SEMA4D: variants seen among roughly 807,000 people sequenced by gnomAD.
SEMA4D encodes semaphorin-4D.
A neutral mutation model predicts 74.8 loss-of-function variants in SEMA4D; 22 were observed. The observed-to-expected ratio is 0.29, with a 90% CI of 0.21 to 0.42. SEMA4D has a LOEUF of 0.42. Ranked by LOEUF, SEMA4D falls within the 10% of genes least tolerant of loss-of-function variation. SEMA4D has a pLI of 1.00. For missense variants in SEMA4D, 937 were observed against 1,118.4 expected (o/e 0.84, Z 2.31); for synonymous variants, 445 against 463.7 (o/e 0.96, Z 0.52).
chr9:89,407,234 C>T (rs1346452742), intron 2 of SEMA4D, among the ~76,000 whole-genome samples: 2 of 152,102 alleles, frequency 1.3e-5, no homozygotes, highest in Non-Finnish European at 2.9e-5. Context: ...GCCAAAAAAA[C>T]TGTATGTGGA....
chr9:89,436,801 C>T (rs1001297191), intron 2 of SEMA4D, among the ~76,000 whole-genome samples: 3 of 152,210 alleles, frequency 2.0e-5, no homozygotes, highest in African/African-American at 2.4e-5. Flanking sequence ...AGCAGCAGGT[C>T]GCCTGGCGAG....
At chr9:89,479,734 G>T in intron 1 of SEMA4D, 1 of 150,746 alleles carries the variant, frequency 6.6e-6, no homozygotes, top group Non-Finnish European at 1.4e-5. Flanking sequence ...CGTTCCTCCC[G>T]GTGGGCTCGT....
downstream of SEMA4D, among the ~76,000 whole-genome samples, chr9:89,374,338 T>C (rs987815586): frequency 6.6e-6 from 1 of 152,188 alleles, no homozygotes; most frequent in Admixed American, 6.5e-5. Flanking sequence ...CAGCTTTCTG[T>C]TAGGTCTGGC....
chr9:89,386,222 C>T lies in SEMA4D; in HGVS notation c.1446+145G>A, dbSNP rs959000778. 11 of 1,019,106 alleles carry T rather than the reference C, an allele frequency of 1.1e-5. No homozygotes were observed. The Admixed American group carries it at 1.8e-4, about 17-fold the overall frequency. The allele number at this position is 1,019,106 out of a possible 1,614,324, so 63.1% of individuals were successfully genotyped here. A position where few individuals can be genotyped will look rare whatever the true frequency, so the allele number is the denominator to read the frequency against. ...CACAGCTCACGGAATGGCTCTGTGT[C>T]AAACTCTGAAGGTTGGCTCACCCAG... On this transcript the variant is annotated intron_variant, in intron 13 of 15. Transcript: ENST00000422704.
intron 2 of SEMA4D, among the ~76,000 whole-genome samples, chr9:89,427,448 C>T (rs1848342781): frequency 6.6e-6 from 1 of 152,148 alleles, no homozygotes; most frequent in African/African-American, 2.4e-5. Flanking sequence ...GGGGAGTAAC[C>T]CCTGCCGTCC....
At chr9:89,474,376 A>C (rs1861247259) in intron 1 of SEMA4D, among the ~76,000 whole-genome samples, 1 of 151,244 alleles carries the variant, frequency 6.6e-6, no homozygotes, top group African/African-American at 2.4e-5. Flanking sequence ...CATCACAAAG[A>C]TTACAGTGGA....
At chr9:89,465,569 C>A (rs1313710237) in intron 1 of SEMA4D, among the ~76,000 whole-genome samples, 1 of 152,138 alleles carries the variant, frequency 6.6e-6, no homozygotes, top group Non-Finnish European at 1.5e-5. Flanking sequence ...TGCAAATGTA[C>A]TAACTGCCAT....
chr9:89,402,819 G>C (rs201805200), intron 4 of SEMA4D, 52 bp downstream of exon 4: 93 of 1,579,480 alleles, frequency 5.9e-5, no homozygotes, highest in Non-Finnish European at 8.0e-5. Flanking sequence ...GCCAGGAGAG[G>C]CTGCCCACTC....
chr9:89,448,053 C>A (rs765667689), intron 2 of SEMA4D, among the ~76,000 whole-genome samples: 14 of 152,200 alleles, frequency 9.2e-5, no homozygotes, highest in Non-Finnish European at 2.1e-4. Flanking sequence ...AAGCTCACTG[C>A]AGCCTTGAAT....
At chr9:89,453,623 G>C (rs7030402) in intron 2 of SEMA4D, among the ~76,000 whole-genome samples, 133,430 of 152,206 alleles carry the variant, frequency 0.88, 59,185 homozygotes, top group Non-Finnish European at 0.95. Flanking sequence ...CCATCTGGTC[G>C]CGGCCCTCGC....
At chr9:89,478,661 G>A (rs7859211) in intron 1 of SEMA4D, among the ~76,000 whole-genome samples, 12,548 of 152,138 alleles carry the variant, frequency 0.082, 754 homozygotes, top group Admixed American at 0.16. Context: ...TGTGCGGAAT[G>A]AGATGAAATG....
At chr9:89,412,697 G>C (rs1844795564) in intron 2 of SEMA4D, among the ~76,000 whole-genome samples, 1 of 152,102 alleles carries the variant, frequency 6.6e-6, no homozygotes, top group South Asian at 2.1e-4. Context: ...CATAAATCAG[G>C]CCCTGCTGCT....
chr9:89,390,802 A>G (rs951460750), intron 9 of SEMA4D, among the ~76,000 whole-genome samples: 2 of 152,128 alleles, frequency 1.3e-5, no homozygotes, highest in African/African-American at 4.8e-5. Context: ...TGTGCTGAGC[A>G]CTGTGCCTAC....
chr9:89,419,678 C>T (rs771467633), intron 2 of SEMA4D, among the ~76,000 whole-genome samples: 19 of 152,178 alleles, frequency 1.2e-4, no homozygotes, highest in Middle Eastern at 3.4e-3. Context: ...TTTAGGAGGC[C>T]GAGGCGGGTG....
intron 1 of SEMA4D, among the ~76,000 whole-genome samples, chr9:89,477,085 G>A (rs541810613): frequency 1.1e-4 from 16 of 152,254 alleles, no homozygotes; most frequent in African/African-American, 2.4e-4. Flanking sequence ...TAAGACTTCC[G>A]TAAAATAAGT....
chr9:89,381,187 C>T lies in SEMA4D; in HGVS notation c.1606G>A (p.Glu536Lys), dbSNP rs772215469. 47 of 1,613,376 alleles carry T rather than the reference C, an allele frequency of 2.9e-5. No homozygotes were observed. The highest frequency in any genetic ancestry group is 1.8e-4 in the Admixed American group (11 of 60,000). Residue 536 changes from glutamate to lysine, a missense_variant, in exon 14 of 16, where the codon GAG becomes AAG. Coordinates refer to ENST00000422704, the MANE Select transcript of SEMA4D (RefSeq NM_001371194.2). The surrounding 1 kb of genome is among the most constrained non-coding windows in gnomAD (Gnocchi z 4.6). ...TATCVALHQTESPSRGLIQEM... is the reference protein window; with the variant it reads ...TATCVALHQTKSPSRGLIQEM... ...CCCGCCCCATACCTGCTGGGGCTCT[C>T]GGTCTGGTGCAGAGCCACGCAGGTC...
chr9:89,494,697 G>A (rs926495373), intron 1 of SEMA4D, among the ~76,000 whole-genome samples: 1 of 152,138 alleles, frequency 6.6e-6, no homozygotes, highest in Non-Finnish European at 1.5e-5. Context: ...GTGCATGCAA[G>A]TAGGCAGAAC....
intron 16 of SEMA4D, among the ~76,000 whole-genome samples, chr9:89,371,798 T>G (rs897772479): frequency 4.1e-4 from 8 of 19,586 alleles, no homozygotes; most frequent in South Asian, 5.4e-3. Flanking sequence ...GTGTTTGGGG[T>G]GTGTGTGTGG....
chr9:89,388,825 G>A, intron 10 of SEMA4D, 33 bp from the exon 11 acceptor site: 1 of 1,606,636 alleles, frequency 6.2e-7, no homozygotes, highest in Admixed American at 1.7e-5. Context: ...GGGACCACCT[G>A]GCGGCATCAA....
Sources: allele counts gnomAD v4.1 joint callset (sites outside exome capture counted in the v4.1 genomes callset), GRCh38; gene constraint gnomAD v4.1.1; non-coding constraint Gnocchi (gnomAD v3.1); transcripts MANE v1.5; gene names NCBI Gene and HGNC (gene_info 2026-07-23, HGNC 2026-07-21).